CC2D2B: variants seen among roughly 807,000 people sequenced by gnomAD.
CC2D2B encodes coiled-coil and C2 domain containing 2B.
A neutral mutation model predicts 161.2 loss-of-function variants in CC2D2B; 128 were observed. That is an observed-to-expected ratio of 0.79 (90% confidence interval 0.69 to 0.92). The LOEUF (loss-of-function observed/expected upper bound fraction) is 0.92, where lower values mean the gene tolerates loss of function less well. Among genes scored for constraint, CC2D2B ranks in the 40% least tolerant of loss-of-function variants. CC2D2B has a pLI of 0.00. For synonymous variants in CC2D2B, 391 were observed against 449.8 expected, an observed-to-expected ratio of 0.87 and a Z score of 1.65; for missense variants, 1,173 against 1,375.1, an observed-to-expected ratio of 0.85 and a Z score of 2.32.
intron 24 of CC2D2B, chr10:95,999,869 A>G (rs2015029): frequency 0.59 from 279,332 of 473,566 alleles, 83,850 homozygotes; most frequent in East Asian, 0.82. Flanking sequence ...GCAGGCTGGC[A>G]CTTCAGTTGA....
chr10:96,000,994 G>A (rs78255570), intron 24 of CC2D2B, among the ~76,000 whole-genome samples: 15,816 of 152,098 alleles, frequency 0.1, 1,627 homozygotes, highest in East Asian at 0.57. Flanking sequence ...AGTATTTTTA[G>A]TTAAAATAGT....
intron 9 of CC2D2B, among the ~76,000 whole-genome samples, chr10:95,947,916 C>T (rs1341972655): frequency 1.3e-5 from 2 of 152,116 alleles, no homozygotes; most frequent in African/African-American, 2.4e-5. Flanking sequence ...GGCCCAGGCT[C>T]CTGAAGATAA....
intron 5 of CC2D2B, among the ~76,000 whole-genome samples, chr10:95,925,765 A>G (rs967117858): frequency 6.6e-6 from 1 of 152,228 alleles, no homozygotes; most frequent in Admixed American, 6.5e-5. Context: ...CGTAAGTCCA[A>G]TGGCAAAGCT....
intron 9 of CC2D2B, among the ~76,000 whole-genome samples, chr10:95,947,410 C>T (rs575723272): frequency 3.3e-5 from 5 of 150,424 alleles, no homozygotes; most frequent in East Asian, 2.0e-4. Flanking sequence ...CCACCACACT[C>T]GGCCTATTCC....
At chr10:96,002,320 C>T (rs1256674384) in intron 24 of CC2D2B, among the ~76,000 whole-genome samples, 1 of 152,020 alleles carries the variant, frequency 6.6e-6, no homozygotes, top group Non-Finnish European at 1.5e-5. Context: ...CTTCTTGTGA[C>T]ATTTTAGTGA....
intron 19 of CC2D2B, among the ~76,000 whole-genome samples, chr10:95,984,904 C>T (rs2077660509): frequency 6.6e-6 from 1 of 151,842 alleles, no homozygotes; most frequent in South Asian, 2.1e-4. Context: ...CCCACATACA[C>T]ATGTGTGTGT....
Position 96,012,602 on chromosome 10 carries a change from A to G in CC2D2B, c.3299A>G (p.Asn1100Ser). 6.2e-7 allele frequency: 1 copy of G among 1,613,152 alleles called. No individual in the cohort carries two copies. Residue 1100 changes from asparagine (N) to serine (S), a missense_variant, in exon 28 of 35, where the codon AAC (asparagine) becomes AGC (serine). By Grantham distance (46) the Asn-to-Ser change is conservative. Around this residue, in one of 3 missense-constraint regions of CC2D2B, gnomAD observed 598 missense variants for 693.2 expected, o/e 0.86. Coordinates refer to ENST00000646931, the MANE Select transcript of CC2D2B (RefSeq NM_001349008.3). ...FKKNCKAMFP[N>S]RRIVTTVFND... ...AAGAATTGTAAGGCAATGTTTCCCA[A>G]CCGAAGAATCGTAACTACTGTTTTT...
intron 17 of CC2D2B, among the ~76,000 whole-genome samples, chr10:95,976,590 G>A (rs1354661368): frequency 1.3e-5 from 2 of 152,190 alleles, no homozygotes; most frequent in Non-Finnish European, 2.9e-5. Flanking sequence ...ATTGGGATGG[G>A]TGCTCCAGAG....
chr10:95,950,710 A>G (rs1180220928), intron 10 of CC2D2B, among the ~76,000 whole-genome samples: 1 of 152,220 alleles, frequency 6.6e-6, no homozygotes, highest in East Asian at 1.9e-4. Context: ...CCTCTAAGCT[A>G]TTTAATGAAA....
Position 95,924,339 on chromosome 10 carries a change from T to G in CC2D2B, c.123T>G (p.Asn41Lys). Reference protein sequence around the residue: ...QKDLDAEENQNVAKTLRGKVR... With the variant: ...QKDLDAEENQKVAKTLRGKVR... Reference sequence around the variant, plus strand: ...ATTTAGATGCAGAAGAAAATCAAAATGTAGCAAAGACATTGAGAGGCAAAG... The same window carrying G: ...ATTTAGATGCAGAAGAAAATCAAAAGGTAGCAAAGACATTGAGAGGCAAAG... Residue 41 changes from asparagine (N) to lysine (K), a missense_variant, in exon 4 of 35, where the codon AAT (asparagine) becomes AAG (lysine). Around this residue, in one of 3 missense-constraint regions of CC2D2B, gnomAD observed 298 missense variants for 261.2 expected, o/e 1.14. Coordinates refer to ENST00000646931, the MANE Select transcript of CC2D2B (RefSeq NM_001349008.3). The G allele has an allele frequency of 6.6e-7, 1 of 1,519,664 alleles. No individual in the cohort carries two copies. Among genetic ancestry groups the G allele is most frequent in the Non-Finnish European group, 8.8e-7 (1 of 1,131,788 alleles). The allele number at this position is 1,519,664 out of a possible 1,614,324, so 94.1% of individuals were successfully genotyped here.
chr10:95,915,029 A>G (rs999963156), intron 2 of CC2D2B, among the ~76,000 whole-genome samples: 2 of 151,804 alleles, frequency 1.3e-5, no homozygotes, highest in Admixed American at 1.3e-4. Flanking sequence ...AACAATATTG[A>G]CTCTTCCAAT....
Position 95,999,318 on chromosome 10 carries a change from C to A in CC2D2B, c.2849+3066C>A, listed in dbSNP as rs186664716. On this transcript the variant is annotated intron_variant, in intron 24 of 34. Transcript: ENST00000646931. ...GCTTGATTGCTTACTTCTTTTTACC[C>A]CTGCATAATATTCTATTATATGGAT... is the stretch of plus-strand genomic sequence containing the variant. Among the ~76,000 whole-genome samples the A allele has an allele frequency of 5.9e-5, 9 of 152,210 alleles. No homozygotes were observed. The East Asian group carries it at 1.5e-3, about 26-fold the overall frequency.
At chr10:95,927,843 C>T (rs145962532) in intron 6 of CC2D2B, among the ~76,000 whole-genome samples, 2,039 of 152,148 alleles carry the variant, frequency 0.013, 16 homozygotes, top group Middle Eastern at 0.045. Context: ...CCCTCTCAGT[C>T]CCCCTCAAAC....
At chr10:95,912,978 T>A (rs1032171091) in intron 2 of CC2D2B, among the ~76,000 whole-genome samples, 1 of 152,158 alleles carries the variant, frequency 6.6e-6, no homozygotes, top group African/African-American at 2.4e-5. Flanking sequence ...ACATTCCAAT[T>A]GTATTCTTTC....
At chr10:96,000,016 G>T in intron 24 of CC2D2B, 6 of 1,313,270 alleles carry the variant, frequency 4.6e-6, no homozygotes, top group Non-Finnish European at 6.2e-6. Context: ...GCCCTTCTTT[G>T]TTTACAACAA....
At chr10:95,913,506 T>C in intron 2 of CC2D2B, 1 of 305,888 alleles carries the variant, frequency 3.3e-6, no homozygotes, top group Admixed American at 3.9e-5. Flanking sequence ...CTGGATCATA[T>C]GGTAGCTATA....
At chr10:96,020,582 C>T in intron 32 of CC2D2B, 1 of 152,016 alleles carries the variant, frequency 6.6e-6, no homozygotes, top group East Asian at 1.9e-4. Flanking sequence ...GCACAGTCCA[C>T]AAATGAGGAG....
chr10:95,986,488 G>A (rs1333890727), intron 19 of CC2D2B, among the ~76,000 whole-genome samples: 7 of 151,528 alleles, frequency 4.6e-5, no homozygotes, highest in Non-Finnish European at 8.8e-5. Context: ...AATACCATGT[G>A]TAGTGAAGAT....
At chr10:95,928,946 G>T (rs889831692) in intron 6 of CC2D2B, among the ~76,000 whole-genome samples, 1 of 152,086 alleles carries the variant, frequency 6.6e-6, no homozygotes, top group Non-Finnish European at 1.5e-5. Flanking sequence ...TGGTCAAATG[G>T]TATTTCTGGT....
Sources: gnomAD v4.1 joint callset for allele counts (sites outside exome capture counted in the v4.1 genomes callset) on GRCh38, gnomAD v4.1.1 for gene constraint, gnomAD v4.1.1 regional missense constraint, MANE v1.5 for transcripts, NCBI Gene and HGNC (gene_info 2026-07-23, HGNC 2026-07-21) for gene names.